The following NDC1 variants were observed in gnomAD, a reference collection of about 807,000 sequenced individuals.
NDC1 encodes the protein nucleoporin NDC1.
A neutral mutation model predicts 89.8 loss-of-function variants in NDC1; 24 were observed. That is an observed-to-expected ratio of 0.27 (90% CI 0.19 to 0.38). The LOEUF (loss-of-function observed/expected upper bound fraction) is 0.38, where lower values mean the gene tolerates loss of function less well. Ranked by LOEUF, NDC1 falls within the 10% of genes least tolerant of loss-of-function variation. The probability of loss-of-function intolerance (pLI) is 1.00; values close to 1 mark genes in which losing one functional copy is unlikely to be tolerated. For missense variants in NDC1, 728 were observed against 797.6 expected (o/e 0.91, Z 1.05); for synonymous variants, 296 against 284.8 (o/e 1.04, Z -0.39).
chr1:53,836,885 G>T (rs953338823), intron 1 of NDC1, among the ~76,000 whole-genome samples: 18 of 152,166 alleles, frequency 1.2e-4, no homozygotes, highest in African/African-American at 3.6e-4. Flanking sequence ...CATGATCTTG[G>T]ATTTGGCAAT....
chr1:53,810,335 G>A (rs1256236346), intron 6 of NDC1, among the ~76,000 whole-genome samples: 3 of 151,550 alleles, frequency 2.0e-5, no homozygotes, highest in African/African-American at 4.9e-5. Flanking sequence ...GGGGAATTGC[G>A]CATGACCCCT....
rs1396145915 is a variant in NDC1, at chr1:53,809,688, C to T, written c.755+7G>A. ...AGTTAAAATTAGACTTTTTAGGTAT[C>T]ACTTACTCATCTATGTGAAGGTTCA... is the stretch of plus-strand genomic sequence containing the variant. On this transcript the variant is annotated splice_region_variant and intron_variant, in intron 7 of 17. Transcript: ENST00000371429. The T allele has an allele frequency of 1.3e-6, 2 of 1,595,380 alleles. No individual in the cohort carries two copies. The highest frequency in any genetic ancestry group is 2.2e-5 in the East Asian group (1 of 44,676).
intron 16 of NDC1, among the ~76,000 whole-genome samples, chr1:53,784,526 C>T (rs1024927598): frequency 4.5e-4 from 69 of 152,254 alleles, no homozygotes; most frequent in African/African-American, 1.6e-3. Context: ...GGCGCAGTGG[C>T]TCACGCCTAT....
chr1:53,819,145 AAAGC>A (rs1330636963), intron 5 of NDC1, 66 bp from the exon 6 acceptor site: 12 of 760,472 alleles, frequency 1.6e-5, no homozygotes, highest in Non-Finnish European at 2.7e-5. Context: ...ACATCACCTT[AAAGC>A]AAGCACTTTA....
intron 2 of NDC1, among the ~76,000 whole-genome samples, chr1:53,833,076 T>C (rs1649117710): frequency 6.6e-6 from 1 of 152,194 alleles, no homozygotes; most frequent in Non-Finnish European, 1.5e-5. Flanking sequence ...CCCCAGGTAC[T>C]TTAAAATTAT....
chr1:53,785,987 C>T (rs935782046), intron 16 of NDC1, among the ~76,000 whole-genome samples: 1 of 152,000 alleles, frequency 6.6e-6, no homozygotes, highest in African/African-American at 2.4e-5. Context: ...TGCAGTGGCA[C>T]GATCTCCACT....
intron 6 of NDC1, among the ~76,000 whole-genome samples, chr1:53,817,464 T>C (rs987508706): frequency 6.6e-6 from 1 of 152,112 alleles, no homozygotes; most frequent in Non-Finnish European, 1.5e-5. Flanking sequence ...AATAATACAA[T>C]GGACTTTGGG....
intron 6 of NDC1, among the ~76,000 whole-genome samples, chr1:53,817,132 C>T (rs923814274): frequency 2.6e-5 from 4 of 152,196 alleles, no homozygotes; most frequent in Admixed American, 2.0e-4. Context: ...CGCAATCCCA[C>T]TACTGCGTAT....
intron 3 of NDC1, among the ~76,000 whole-genome samples, chr1:53,831,499 C>G (rs1305669574): frequency 6.6e-6 from 1 of 151,604 alleles, no homozygotes; most frequent in Non-Finnish European, 1.5e-5. Context: ...ATGGTGAAAC[C>G]CCCTCTCTTC....
rs372418589 is a variant in NDC1 at position 53,793,209 on chromosome 1, C to T, written c.1635+20G>A. ...ATTTCCTCCCTCCCCATTCCCAACG[C>T]TATAACCACATATTCTTACCTTACT... On this transcript the variant is annotated intron_variant, in intron 14 of 17. Transcript: ENST00000371429. 2.5e-6 allele frequency: 4 copies of T among 1,590,116 alleles called. No homozygotes were observed. The highest frequency in any genetic ancestry group is 3.5e-6 in the Non-Finnish European group (4 of 1,158,676).
chr1:53,820,697 CTCTCTT>C (rs1312457423), intron 5 of NDC1, among the ~76,000 whole-genome samples: 1 of 143,424 alleles, frequency 7.0e-6, no homozygotes, highest in African/African-American at 2.6e-5. Context: ...ATGTACTTCT[CTCTCTT>C]TTTTTTTTTT....
chr1:53,768,282 G>A (rs1647083095), intron 17 of NDC1, among the ~76,000 whole-genome samples: 2 of 152,202 alleles, frequency 1.3e-5, no homozygotes, highest in Non-Finnish European at 2.9e-5. Context: ...TGAAGGCATT[G>A]ACTTTAACCT....
intron 7 of NDC1, 104 bp downstream of exon 7, chr1:53,809,591 T>A (rs1460051146): frequency 2.1e-5 from 17 of 816,734 alleles, no homozygotes; most frequent in East Asian, 2.6e-5. Context: ...ATACAATTTT[T>A]AAAAAAATGT....
chr1:53,825,708 G>T (rs1648830976), intron 5 of NDC1, 90 bp downstream of exon 5: 3 of 1,057,504 alleles, frequency 2.8e-6, no homozygotes, highest in Non-Finnish European at 4.0e-6. Context: ...AATCTTGAAT[G>T]AATCAGATAA....
intron 4 of NDC1, among the ~76,000 whole-genome samples, chr1:53,827,703 C>T (rs1337864073): frequency 6.6e-6 from 1 of 152,200 alleles, no homozygotes; most frequent in East Asian, 1.9e-4. Context: ...TCACTTTCTT[C>T]ATCCTATTAC....
At chr1:53,822,374 T>C (rs993676465) in intron 5 of NDC1, among the ~76,000 whole-genome samples, 7 of 152,150 alleles carry the variant, frequency 4.6e-5, no homozygotes, top group Admixed American at 4.6e-4. Context: ...ATGAAAAAAG[T>C]AGTTACTGAA....
intron 6 of NDC1, among the ~76,000 whole-genome samples, chr1:53,818,456 T>G (rs1051295560): frequency 6.6e-6 from 1 of 152,114 alleles, no homozygotes; most frequent in African/African-American, 2.4e-5. Context: ...TTTACCATTT[T>G]AGCCATCTTT....
chr1:53,788,457 G>T (rs551856641), intron 15 of NDC1, among the ~76,000 whole-genome samples: 1 of 151,590 alleles, frequency 6.6e-6, no homozygotes, highest in Admixed American at 6.6e-5. Context: ...ATGGAGTTGC[G>T]CTATTTGTTA....
intron 10 of NDC1, among the ~76,000 whole-genome samples, chr1:53,802,452 A>C (rs1647953539): frequency 6.6e-6 from 1 of 151,964 alleles, no homozygotes; most frequent in African/African-American, 2.4e-5. Flanking sequence ...GAACTGCTTG[A>C]CCCCAGGAGT....
Sources: gnomAD v4.1 joint callset for allele counts (sites outside exome capture counted in the v4.1 genomes callset) on GRCh38, gnomAD v4.1.1 for gene constraint, MANE v1.5 for transcripts, NCBI Gene and HGNC (gene_info 2026-07-23, HGNC 2026-07-21) for gene names.